RIT1: variants seen among roughly 807,000 people sequenced by gnomAD.
RIT1 encodes the protein Ras like without CAAX 1, also known as GTP-binding protein Rit1.
A neutral mutation model predicts 25.6 loss-of-function variants in RIT1; 6 were observed. The observed-to-expected ratio is 0.23, with a 90% CI of 0.13 to 0.46. RIT1 has a LOEUF of 0.46. Ranked by LOEUF, RIT1 falls within the 20% of genes least tolerant of loss-of-function variation. RIT1 has a pLI of 0.99. For missense variants in RIT1, 219 were observed against 284.4 expected, an observed-to-expected ratio of 0.77 and a Z score of 1.65; for synonymous variants, 81 against 94.1, an observed-to-expected ratio of 0.86 and a Z score of 0.80.
At position 155,898,545 on chromosome 1, in the gene RIT1, C is replaced by A. The variant is rs1974259; in HGVS notation, c.*1843G>T. 6,957 of 108,338 alleles carry A rather than the reference C, an allele frequency of 0.064. 297 individuals are homozygous for A. The highest frequency in any genetic ancestry group is 0.18 in the East Asian group (445 of 2,438). The allele number at this position is 108,338 out of a possible 1,614,324, so 6.7% of individuals were successfully genotyped here. On this transcript the variant is annotated 3_prime_UTR_variant, in exon 6 of 6. Transcript: ENST00000368323. ...TATATATATATATATATATATATAT[C>A]TCTTAATGTTAATAACAATTCCCTA...
In RIT1 at chr1:155,898,510, A is replaced by ATAT. The variant is rs1170238485; in HGVS notation, c.*1877_*1878insATA. 4 of 112,078 alleles carry ATAT rather than the reference A, an allele frequency of 3.6e-5. No homozygotes were observed. The highest frequency in any genetic ancestry group is 7.1e-5 in the Non-Finnish European group (4 of 56,624). 6.9% of individuals were successfully genotyped at this position (112,078 alleles called of 1,614,324 possible). On this transcript the variant is annotated 3_prime_UTR_variant, in exon 6 of 6. Coordinates refer to ENST00000368323, the MANE Select transcript of RIT1 (RefSeq NM_006912.6). ...CTCTATTTAAAAAAAAAAAAAAAAA[A>ATAT]AAAAAAAAATATATATATATATATA... is the stretch of plus-strand genomic sequence containing the variant.
intron 3 of RIT1, chr1:155,910,046 T>G (rs1571999001): frequency 1.7e-5 from 3 of 178,762 alleles, no homozygotes; most frequent in East Asian, 3.4e-4. Flanking sequence ...GTCTGGGTTG[T>G]AAGAGTTCAG....
chr1:155,904,872 T>G, intron 3 of RIT1, 68 bp from the exon 4 acceptor site: 6 of 1,017,172 alleles, frequency 5.9e-6, no homozygotes, highest in Non-Finnish European at 9.4e-6. Flanking sequence ...TTAAAACTCA[T>G]CTTACAGAGT....
chr1:155,904,556 C>T (rs1359315581), intron 4 of RIT1, 54 bp from the exon 5 acceptor site: 3 of 1,480,670 alleles, frequency 2.0e-6, no homozygotes, highest in African/African-American at 1.4e-5. Flanking sequence ...CAACTACACA[C>T]ACAATTAGCT....
At chr1:155,908,977 G>A (rs1457021257) in intron 3 of RIT1, among the ~76,000 whole-genome samples, 2 of 152,034 alleles carry the variant, frequency 1.3e-5, no homozygotes, top group African/African-American at 4.8e-5. Flanking sequence ...TCAAAGCTGG[G>A]CCACCACAAA....
At position 155,899,598 on chromosome 1, in the gene RIT1, C is replaced by T. The variant is rs925920779; in HGVS notation, c.*790G>A. ...TCCAACTATGAATTTTGATTAAACA[C>T]GTTTAGTAATACAGTTATGATTCCC... On this transcript the variant is annotated 3_prime_UTR_variant, in exon 6 of 6. Coordinates refer to ENST00000368323, the MANE Select transcript of RIT1 (RefSeq NM_006912.6). 1.3e-5 allele frequency: 3 copies of T among 222,976 alleles called. No individual in the cohort carries two copies. The highest frequency in any genetic ancestry group is 4.5e-5 in the African/African-American group (2 of 44,630). 13.8% of individuals were successfully genotyped at this position (222,976 alleles called of 1,614,324 possible).
chr1:155,907,951 G>A (rs1673484670), intron 3 of RIT1, among the ~76,000 whole-genome samples: 1 of 151,526 alleles, frequency 6.6e-6, no homozygotes, highest in African/African-American at 2.4e-5. Context: ...TTAGCCAGGC[G>A]AGGTGGCGGG....
rs1296535897 is a variant in RIT1, at chr1:155,898,416, C to T, written c.*1972G>A. On this transcript the variant is annotated 3_prime_UTR_variant, in exon 6 of 6. Coordinates refer to ENST00000368323, the MANE Select transcript of RIT1 (RefSeq NM_006912.6). The stretch of plus-strand genomic sequence containing the variant: ...AGGTGGTGGCTCATGCCTGTAATCC[C>T]AGCATATTGGGAGGATTGCTTGAGC... 1 of 145,664 alleles carries T rather than the reference C, an allele frequency of 6.9e-6. No individual in the cohort carries two copies. Among genetic ancestry groups the T allele is most frequent in the Non-Finnish European group, 1.5e-5 (1 of 67,282 alleles). 9.0% of individuals were successfully genotyped at this position (145,664 alleles called of 1,614,324 possible).
chr1:155,910,344 T>C (rs1241712868), intron 3 of RIT1, 106 bp downstream of exon 3: 6 of 946,936 alleles, frequency 6.3e-6, no homozygotes, highest in Non-Finnish European at 8.2e-6. Context: ...TAAATCTGAA[T>C]TAGACTCCAA....
chr1:155,910,874 T>C, intron 1 of RIT1, 70 bp from the exon 2 acceptor site: 1 of 1,589,674 alleles, frequency 6.3e-7, no homozygotes. Context: ...AGCCAGTGCC[T>C]TACCTTTCCA....
At chr1:155,909,536 A>G (rs958895105) in intron 3 of RIT1, among the ~76,000 whole-genome samples, 2 of 152,194 alleles carry the variant, frequency 1.3e-5, no homozygotes, top group African/African-American at 2.4e-5. Context: ...TAGTCTTTGT[A>G]GAGATTAGCA....
intron 5 of RIT1, 85 bp downstream of exon 5, chr1:155,904,226 A>C (rs145286724): frequency 4.5e-6 from 5 of 1,101,196 alleles, no homozygotes; most frequent in African/African-American, 3.2e-5. Flanking sequence ...AAAAATCTGT[A>C]AGCCAAGCCA....
chr1:155,903,326 G>A (rs1451933966), intron 5 of RIT1, among the ~76,000 whole-genome samples: 3 of 151,404 alleles, frequency 2.0e-5, no homozygotes, highest in Admixed American at 6.6e-5. Context: ...GGTGGCATGC[G>A]CCTGTAATCC....
intron 5 of RIT1, among the ~76,000 whole-genome samples, chr1:155,903,153 A>G (rs1673348547): frequency 6.6e-6 from 1 of 152,012 alleles, no homozygotes; most frequent in African/African-American, 2.4e-5. Flanking sequence ...AAAATTAGCC[A>G]GGCATGGTGG....
At chr1:155,903,294 CA>C (rs912574521) in intron 5 of RIT1, among the ~76,000 whole-genome samples, 18 of 138,248 alleles carry the variant, frequency 1.3e-4, no homozygotes, top group African/African-American at 5.4e-5. Flanking sequence ...GACTCCGTCT[CA>C]AAAAAAAATT....
rs1399644790 is a variant in RIT1, at chr1:155,899,405, CT to C, written c.*982del. 1.8e-5 allele frequency: 4 copies of C among 226,722 alleles called. No homozygotes were observed. The highest frequency in any genetic ancestry group is 4.5e-5 in the African/African-American group (2 of 44,934). The allele number at this position is 226,722 out of a possible 1,614,324, so 14.0% of individuals were successfully genotyped here. On this transcript the variant is annotated 3_prime_UTR_variant, in exon 6 of 6. Coordinates refer to ENST00000368323, the MANE Select transcript of RIT1 (RefSeq NM_006912.6). ...CACACACACAATTTTACCCACACCC[CT>C]GATGTCTCTTCTGTATGGAAAATGC...
intron 1 of RIT1, 182 bp from the exon 2 acceptor site, chr1:155,910,986 C>T: frequency 7.3e-7 from 1 of 1,373,106 alleles, no homozygotes; most frequent in Non-Finnish European, 1.0e-6. Context: ...CACCCTCCCT[C>T]CTAGACAGTT....
intron 3 of RIT1, among the ~76,000 whole-genome samples, chr1:155,907,052 G>A (rs1053237576): frequency 2.0e-5 from 3 of 151,790 alleles, no homozygotes; most frequent in African/African-American, 7.3e-5. Flanking sequence ...AGGCTGCAGT[G>A]AGCCAAGATC....
chr1:155,910,236 C>T, intron 3 of RIT1: 2 of 556,322 alleles, frequency 3.6e-6, no homozygotes, highest in Non-Finnish European at 6.4e-6. Flanking sequence ...CATTAATGTT[C>T]AGTAAGAGAC....
Sources: allele counts gnomAD v4.1 joint callset (sites outside exome capture counted in the v4.1 genomes callset), GRCh38; gene constraint gnomAD v4.1.1; transcripts MANE v1.5; gene names NCBI Gene and HGNC (gene_info 2026-07-23, HGNC 2026-07-21).